The following XKR9 variants were observed in gnomAD, a reference collection of about 807,000 sequenced individuals.
The protein encoded by XKR9 is XK-related protein 9.
In XKR9, 32 loss-of-function variants were observed where a neutral mutation model predicts 32.0. The observed-to-expected ratio is 1.00, with a 90% confidence interval of 0.76 to 1.34. The LOEUF (loss-of-function observed/expected upper bound fraction) is 1.34, where lower values mean the gene tolerates loss of function less well. Among genes scored for constraint, XKR9 ranks in the 40% most tolerant of loss-of-function variants. The probability of loss-of-function intolerance (pLI) is 0.00; values close to 1 mark genes in which losing one functional copy is unlikely to be tolerated. For synonymous variants in XKR9, 168 were observed against 143.4 expected (o/e 1.17, Z -1.22); for missense variants, 546 against 429.7 (o/e 1.27, Z -2.39).
At chr8:71,012,610 C>T in the XKR9 span, among the ~76,000 whole-genome samples, 1 of 152,196 alleles carries the variant, frequency 6.6e-6, no homozygotes. Context: ...CCTATACCAA[C>T]TACTATCTTT....
the XKR9 span, among the ~76,000 whole-genome samples, chr8:71,021,390 A>T: frequency 0.065 from 9,895 of 151,802 alleles, 448 homozygotes; most frequent in Non-Finnish European, 0.092. Context: ...TGCTTGTTCA[A>T]TTATTTCAGT....
At chr8:70,727,331 T>G (rs560155403) in intron 4 of XKR9, among the ~76,000 whole-genome samples, 2 of 151,856 alleles carry the variant, frequency 1.3e-5, no homozygotes, top group East Asian at 3.9e-4. Context: ...AGACAAGTTT[T>G]TTTTTTTTTT....
the XKR9 span, among the ~76,000 whole-genome samples, chr8:70,970,535 T>A: frequency 6.6e-6 from 1 of 152,196 alleles, no homozygotes; most frequent in African/African-American, 2.4e-5. Context: ...GTTTTCATTG[T>A]TCATCTCCCA....
intron 2 of XKR9, among the ~76,000 whole-genome samples, chr8:70,759,131 G>C (rs557557151): frequency 1.2e-4 from 18 of 152,288 alleles, no homozygotes; most frequent in South Asian, 8.3e-4. Flanking sequence ...AGAGTAAAAA[G>C]TCTTTCCAGT....
chr8:70,858,228 T>A, the XKR9 span, among the ~76,000 whole-genome samples: 12 of 152,120 alleles, frequency 7.9e-5, no homozygotes, highest in Admixed American at 3.9e-4. Flanking sequence ...CATCGTCTCA[T>A]CCCAAAATCT....
At chr8:71,057,887 T>C in the XKR9 span, among the ~76,000 whole-genome samples, 2 of 152,170 alleles carry the variant, frequency 1.3e-5, no homozygotes, top group Non-Finnish European at 2.9e-5. Context: ...TTTATCACTG[T>C]AAATTAATAA....
intron 3 of XKR9, among the ~76,000 whole-genome samples, chr8:70,704,977 A>G (rs1217096800): frequency 6.6e-6 from 1 of 152,100 alleles, no homozygotes; most frequent in African/African-American, 2.4e-5. Context: ...TTGTGAGGTC[A>G]TTGTGGGTAG....
In XKR9 at chr8:70,735,934, G is replaced by A. The variant is rs1285748859; in HGVS notation, c.*1510G>A. Reference sequence around the variant, plus strand: ...TGCTGCAATAAACATACGTGTGCATGTGTCTTTATAGCAGCATGATTTATA... The same window carrying A: ...TGCTGCAATAAACATACGTGTGCATATGTCTTTATAGCAGCATGATTTATA... On this transcript the variant is annotated 3_prime_UTR_variant, in exon 5 of 5. Transcript: ENST00000408926. The A allele has an allele frequency of 6.6e-6, 1 of 151,978 alleles. No individual in the cohort carries two copies. The allele number at this position is 151,978 out of a possible 1,614,324, so 9.4% of individuals were successfully genotyped here.
At chr8:70,864,135 T>C in the XKR9 span, among the ~76,000 whole-genome samples, 1 of 152,196 alleles carries the variant, frequency 6.6e-6, no homozygotes, top group Non-Finnish European at 1.5e-5. Flanking sequence ...TAATAAAGGA[T>C]TCTCATTTAT....
At chr8:70,876,457 A>T in the XKR9 span, among the ~76,000 whole-genome samples, 1 of 151,980 alleles carries the variant, frequency 6.6e-6, no homozygotes, top group African/African-American at 2.4e-5. Flanking sequence ...GTGAGTAGGC[A>T]AGCACACTTT....
chr8:71,053,222 T>C, the XKR9 span, among the ~76,000 whole-genome samples: 1 of 152,194 alleles, frequency 6.6e-6, no homozygotes, highest in South Asian at 2.1e-4. Context: ...ATCTGAATCA[T>C]TTGGAGAGTT....
rs550398876 is a variant in XKR9 at position 70,699,551 on chromosome 8, T to A, written c.273-7382T>A. ...CTTGTAGCGTTTCTGCTGAGAGATC[T>A]GCTGTTAGTCTGATGGGCTTCCCTT... On this transcript the variant is annotated intron_variant, in intron 3 of 4. Coordinates refer to ENST00000408926, the MANE Select transcript of XKR9 (RefSeq NM_001011720.2). Among the ~76,000 whole-genome samples, 225 of 152,346 alleles carry A rather than the reference T, an allele frequency of 1.5e-3. 2 individuals are homozygous for A. The highest frequency in any genetic ancestry group is 5.2e-3 in the African/African-American group (217 of 41,584).
intron 2 of XKR9, among the ~76,000 whole-genome samples, chr8:70,772,326 A>G (rs193281161): frequency 2.0e-5 from 3 of 152,300 alleles, no homozygotes; most frequent in Non-Finnish European, 4.4e-5. Context: ...ACACACAGGA[A>G]AAGATGCACC....
At chr8:71,037,830 CGGAT>C in the XKR9 span, among the ~76,000 whole-genome samples, 3 of 152,090 alleles carry the variant, frequency 2.0e-5, no homozygotes, top group Non-Finnish European at 4.4e-5. Flanking sequence ...ACAAAGCAAC[CGGAT>C]AACAAAAGAA....
At chr8:70,704,205 A>T (rs1805640251) in intron 3 of XKR9, among the ~76,000 whole-genome samples, 1 of 152,070 alleles carries the variant, frequency 6.6e-6, no homozygotes, top group African/African-American at 2.4e-5. Context: ...ATAAAATAAA[A>T]TAAACAATAA....
the XKR9 span, among the ~76,000 whole-genome samples, chr8:70,966,612 A>G: frequency 6.6e-6 from 1 of 152,054 alleles, no homozygotes; most frequent in Admixed American, 6.6e-5. Context: ...TTGGGTGGAG[A>G]TTTTTGTAGA....
At chr8:70,682,215 A>G (rs1819105083) in intron 3 of XKR9, among the ~76,000 whole-genome samples, 1 of 152,134 alleles carries the variant, frequency 6.6e-6, no homozygotes, top group South Asian at 2.1e-4. Context: ...TAAGACAAAA[A>G]TGTTTAAAGA....
chr8:70,769,899 G>T (rs1807430837), intron 2 of XKR9, among the ~76,000 whole-genome samples: 1 of 151,864 alleles, frequency 6.6e-6, no homozygotes, highest in African/African-American at 2.4e-5. Context: ...TCTTTAGCTT[G>T]GAAGAGTTTG....
the XKR9 span, among the ~76,000 whole-genome samples, chr8:71,017,996 C>T: frequency 2.0e-5 from 3 of 152,162 alleles, no homozygotes; most frequent in Non-Finnish European, 2.9e-5. Flanking sequence ...TCTGTAACAA[C>T]GTACTATGCT....
Sources: allele counts gnomAD v4.1 joint callset (sites outside exome capture counted in the v4.1 genomes callset), GRCh38; gene constraint gnomAD v4.1.1; transcripts MANE v1.5; gene names NCBI Gene and HGNC (gene_info 2026-07-23, HGNC 2026-07-21).